Variants in IQSEC1 observed in about 807,000 individuals in gnomAD.
IQSEC1 encodes IQ motif and Sec7 domain ArfGEF 1.
IQSEC1 carries 31 observed loss-of-function variants against 91.0 expected under a neutral mutation model. That is an observed-to-expected ratio of 0.34 (90% CI 0.26 to 0.46). The LOEUF is 0.46. Ranked by LOEUF, IQSEC1 falls within the 20% of genes least tolerant of loss-of-function variation. IQSEC1 has a pLI of 1.00. For synonymous variants in IQSEC1, 699 were observed against 662.6 expected, an observed-to-expected ratio of 1.05 and a Z score of -0.84; for missense variants, 1,388 against 1,575.6, an observed-to-expected ratio of 0.88 and a Z score of 2.02.
chr3:12,933,110 A>T (rs1433751200), intron 3 of IQSEC1, among the ~76,000 whole-genome samples: 1 of 152,242 alleles, frequency 6.6e-6, no homozygotes, highest in Non-Finnish European at 1.5e-5. Flanking sequence ...GAGGCCGGGC[A>T]AAGGCCGGGA....
At chr3:13,151,776 A>T (rs1222732682) in intron 2 of IQSEC1, among the ~76,000 whole-genome samples, 2 of 151,862 alleles carry the variant, frequency 1.3e-5, no homozygotes, top group Non-Finnish European at 2.9e-5. Context: ...GACCAGCCTG[A>T]CCAACATGGT....
chr3:13,188,485 C>T (rs761710223), intron 1 of IQSEC1, among the ~76,000 whole-genome samples: 66 of 152,182 alleles, frequency 4.3e-4, no homozygotes, highest in Non-Finnish European at 7.2e-4. Flanking sequence ...ACAACAAAGC[C>T]CAACAATATA....
chr3:13,082,903 C>T (rs898921475), intron 2 of IQSEC1, among the ~76,000 whole-genome samples: 7 of 152,214 alleles, frequency 4.6e-5, no homozygotes, highest in African/African-American at 9.6e-5. Flanking sequence ...GGCCTTTGCA[C>T]GACTGCCACC....
intron 1 of IQSEC1, among the ~76,000 whole-genome samples, chr3:13,189,595 A>T (rs906269031): frequency 6.6e-6 from 1 of 152,238 alleles, no homozygotes; most frequent in Non-Finnish European, 1.5e-5. Context: ...GTGACAGCAG[A>T]ACATAAGTCT....
chr3:13,148,766 T>G (rs1706939455), intron 2 of IQSEC1, among the ~76,000 whole-genome samples: 1 of 152,250 alleles, frequency 6.6e-6, no homozygotes, highest in Non-Finnish European at 1.5e-5. Flanking sequence ...ACTTCAAGCC[T>G]GTGGAGTGTC....
At chr3:13,161,420 C>T (rs1218578537) in intron 2 of IQSEC1, among the ~76,000 whole-genome samples, 2 of 152,210 alleles carry the variant, frequency 1.3e-5, no homozygotes, top group Non-Finnish European at 2.9e-5. Flanking sequence ...GGGACGCAGA[C>T]CCCGCACGGA....
At chr3:13,252,633 T>C (rs919253470) in intron 1 of IQSEC1, among the ~76,000 whole-genome samples, 1 of 152,224 alleles carries the variant, frequency 6.6e-6, no homozygotes, top group Non-Finnish European at 1.5e-5. Flanking sequence ...GTTTCCACAG[T>C]GGCGGCACCA....
At chr3:13,200,327 A>C (rs373243200) in intron 1 of IQSEC1, among the ~76,000 whole-genome samples, 151 of 152,270 alleles carry the variant, frequency 9.9e-4, no homozygotes, top group African/African-American at 3.4e-3. Context: ...AGTTGTTTCA[A>C]CTATGAGCAA....
intron 1 of IQSEC1, among the ~76,000 whole-genome samples, chr3:12,982,682 G>T (rs1701525176): frequency 6.6e-6 from 1 of 152,202 alleles, no homozygotes; most frequent in South Asian, 2.1e-4. Context: ...AGAACTGACT[G>T]GGGGGTCCCC....
At chr3:13,053,017 T>C (rs1704745477) in intron 1 of IQSEC1, 3 of 1,177,816 alleles carry the variant, frequency 2.5e-6, no homozygotes, top group East Asian at 2.3e-5. Context: ...GAGTTGTGCC[T>C]GATTTTATTA....
chr3:13,181,443 T>A (rs545555617), intron 1 of IQSEC1, among the ~76,000 whole-genome samples: 7 of 152,330 alleles, frequency 4.6e-5, no homozygotes, highest in Admixed American at 2.0e-4. Flanking sequence ...CCAACCAACA[T>A]GACCTACAGA....
chr3:13,144,324 C>T (rs1037763181), intron 2 of IQSEC1, among the ~76,000 whole-genome samples: 3 of 152,176 alleles, frequency 2.0e-5, no homozygotes, highest in African/African-American at 7.2e-5. Flanking sequence ...CAAACCCAGC[C>T]GTGGATGCCT....
chr3:12,900,562 C>T lies in IQSEC1; in HGVS notation c.*421G>A. ...TTTTTGCCCATTGTCAATAAAAGAG[C>T]AATAATGCAGCAAGTTTTGGGGTTT... On this transcript the variant is annotated 3_prime_UTR_variant, in exon 14 of 14. Transcript: ENST00000613206. 1.0e-6 allele frequency: 1 copy of T among 997,706 alleles called. No homozygotes were observed. The highest frequency in any genetic ancestry group is 1.2e-6 in the Non-Finnish European group (1 of 837,448). The allele number at this position is 997,706 out of a possible 1,614,324, so 61.8% of individuals were successfully genotyped here.
At chr3:13,093,990 G>A (rs1337994996) in intron 2 of IQSEC1, among the ~76,000 whole-genome samples, 2 of 152,214 alleles carry the variant, frequency 1.3e-5, no homozygotes, top group African/African-American at 4.8e-5. Context: ...CTGAAAAAGA[G>A]ACCTCTTCCG....
intron 1 of IQSEC1, among the ~76,000 whole-genome samples, chr3:12,963,487 A>G (rs760388661): frequency 2.8e-4 from 43 of 152,286 alleles, no homozygotes; most frequent in Non-Finnish European, 5.3e-4. Context: ...CAACAATTTC[A>G]CAAACGGGAA....
At chr3:12,938,627 GAAA>G (rs1698452995) in intron 2 of IQSEC1, among the ~76,000 whole-genome samples, 1 of 152,136 alleles carries the variant, frequency 6.6e-6, no homozygotes, top group Admixed American at 6.5e-5. Context: ...GTGGAGCTTA[GAAA>G]GCCCCTGGGG....
chr3:13,051,884 A>C (rs1332694334), intron 1 of IQSEC1, among the ~76,000 whole-genome samples: 1 of 152,176 alleles, frequency 6.6e-6, no homozygotes, highest in African/African-American at 2.4e-5. Context: ...ATGCAGACCA[A>C]GTTCCTGCGC....
At position 12,979,755 on chromosome 3, in the gene IQSEC1, G is replaced by A. The variant is rs554750149; in HGVS notation, c.24-37890C>T. On this transcript the variant is annotated intron_variant, in intron 1 of 13. Transcript: ENST00000613206. The surrounding 1 kb of genome is among the most constrained non-coding windows in gnomAD (Gnocchi z 4.3). ...CAGAAGGGCGGAAAGAGCACCGGAAGGAGAACTCTCTCTCATGTTCCAGGT... is the reference window on the plus strand; with the variant it reads ...CAGAAGGGCGGAAAGAGCACCGGAAAGAGAACTCTCTCTCATGTTCCAGGT... Among the ~76,000 whole-genome samples the A allele has an allele frequency of 4.0e-5, 6 of 150,242 alleles. No individual in the cohort carries two copies. In the East Asian group the frequency reaches 1.2e-3, roughly 29 times the overall value.
intron 1 of IQSEC1, among the ~76,000 whole-genome samples, chr3:12,951,224 A>T (rs1449570256): frequency 6.6e-6 from 1 of 152,220 alleles, no homozygotes; most frequent in African/African-American, 2.4e-5. Context: ...GGTGTTCGAG[A>T]CTGGCCTGGC....
Sources: allele counts gnomAD v4.1 joint callset (sites outside exome capture counted in the v4.1 genomes callset), GRCh38; gene constraint gnomAD v4.1.1; non-coding constraint Gnocchi (gnomAD v3.1); transcripts MANE v1.5; gene names NCBI Gene and HGNC (gene_info 2026-07-23, HGNC 2026-07-21).